Variants in RBFOX1 observed in about 807,000 individuals in gnomAD.
RBFOX1 encodes the protein RNA binding protein fox-1 homolog 1.
A neutral mutation model predicts 57.7 loss-of-function variants in RBFOX1; 8 were observed. The observed-to-expected ratio is 0.14, with a 90% CI of 0.08 to 0.25. The LOEUF is 0.25. Ranked by LOEUF, RBFOX1 falls within the 10% of genes least tolerant of loss-of-function variation. The pLI is 1.00. For missense variants in RBFOX1, 611 were observed against 548.5 expected (o/e 1.11, Z -1.14); for synonymous variants, 326 against 222.4 (o/e 1.47, Z -4.15).
intron 3 of RBFOX1, among the ~76,000 whole-genome samples, chr16:6,918,183 G>A (rs575553571): frequency 5.9e-5 from 9 of 152,020 alleles, no homozygotes; most frequent in African/African-American, 1.9e-4. Context: ...TAGAGAAGCT[G>A]AGGCAGGAGA....
chr16:6,070,929 T>G (rs1424748722), intron 1 of RBFOX1, among the ~76,000 whole-genome samples: 4 of 152,162 alleles, frequency 2.6e-5, no homozygotes, highest in African/African-American at 9.7e-5. Flanking sequence ...AATATCAAAT[T>G]ATTTTTGAGG....
intron 2 of RBFOX1, among the ~76,000 whole-genome samples, chr16:6,478,000 A>G (rs1337516171): frequency 6.6e-6 from 1 of 151,994 alleles, no homozygotes; most frequent in African/African-American, 2.4e-5. Flanking sequence ...ATAGAATTCA[A>G]GAGGATTAAA....
intron 4 of RBFOX1, among the ~76,000 whole-genome samples, chr16:7,397,432 C>G (rs1278029035): frequency 1.3e-5 from 2 of 152,152 alleles, no homozygotes; most frequent in Admixed American, 1.3e-4. Flanking sequence ...ATTCCTCATA[C>G]TTGTCACATA....
intron 4 of RBFOX1, among the ~76,000 whole-genome samples, chr16:7,237,652 C>G (rs990361477): frequency 6.6e-6 from 1 of 152,178 alleles, no homozygotes; most frequent in African/African-American, 2.4e-5. Flanking sequence ...CGTCCATGCA[C>G]AGACAAGGGA....
chr16:5,813,074 C>A (rs1362204166), intron 3 of RBFOX1, among the ~76,000 whole-genome samples: 1 of 148,140 alleles, frequency 6.8e-6, no homozygotes, highest in Non-Finnish European at 1.5e-5. Context: ...GTGGTGCAAT[C>A]TTGGCTCACT....
chr16:6,565,414 T>C (rs111907046), intron 2 of RBFOX1, among the ~76,000 whole-genome samples: 19 of 139,294 alleles, frequency 1.4e-4, no homozygotes, highest in African/African-American at 3.4e-4. Context: ...CCCGCCACCA[T>C]GCCTGGCTAA....
chr16:7,095,156 GGCTGGAGTTTCACTCTGTCGCCCAC>G (rs1249249629), intron 4 of RBFOX1, among the ~76,000 whole-genome samples: 1 of 151,890 alleles, frequency 6.6e-6, no homozygotes, highest in East Asian at 1.9e-4. Context: ...CTGTTGCCCA[GGCTGGAGTTTCACTCTGTCGCCCAC>G]GCTGGAGTGC....
intron 3 of RBFOX1, among the ~76,000 whole-genome samples, chr16:6,795,496 G>T (rs1005561561): frequency 6.6e-6 from 1 of 152,058 alleles, no homozygotes; most frequent in South Asian, 2.1e-4. Flanking sequence ...GGCTGCGCAC[G>T]TTGGCTCACG....
intron 2 of RBFOX1, among the ~76,000 whole-genome samples, chr16:6,401,563 C>T (rs537862872): frequency 3.3e-5 from 5 of 152,178 alleles, no homozygotes; most frequent in African/African-American, 9.6e-5. Context: ...CAGTGTTTAG[C>T]CGTATGCTTA....
chr16:6,545,606 C>T (rs768782883), intron 2 of RBFOX1, among the ~76,000 whole-genome samples: 3 of 152,186 alleles, frequency 2.0e-5, no homozygotes, highest in Admixed American at 6.5e-5. Context: ...ACTCTCCACC[C>T]CAAAGATCTC....
chr16:6,922,007 C>A (rs867271598), intron 3 of RBFOX1, among the ~76,000 whole-genome samples: 2 of 152,118 alleles, frequency 1.3e-5, no homozygotes, highest in Admixed American at 6.6e-5. Context: ...ATGCCTAACA[C>A]CTTGTGGCTA....
intron 3 of RBFOX1, among the ~76,000 whole-genome samples, chr16:6,786,519 TCAGA>T (rs1312592576): frequency 6.6e-6 from 1 of 152,124 alleles, no homozygotes; most frequent in East Asian, 1.9e-4. Flanking sequence ...TGTGAACATT[TCAGA>T]CAGAGTTCAG....
chr16:6,597,323 CCT>C (rs2097786255), intron 2 of RBFOX1, among the ~76,000 whole-genome samples: 1 of 152,032 alleles, frequency 6.6e-6, no homozygotes, highest in South Asian at 2.1e-4. Flanking sequence ...TTTTCCTTTC[CCT>C]GTCTCCATTA....
At chr16:6,483,414 C>T in intron 2 of RBFOX1, 2 of 1,535,078 alleles carry the variant, frequency 1.3e-6, no homozygotes, top group Non-Finnish European at 8.7e-7. Context: ...ACATTGCTAG[C>T]ACGTGGGTGC....
chr16:7,053,680 G>T (rs1294212106), intron 4 of RBFOX1, among the ~76,000 whole-genome samples: 2 of 152,114 alleles, frequency 1.3e-5, no homozygotes, highest in Non-Finnish European at 2.9e-5. Context: ...GTCCATTGTC[G>T]ACAGGAGTGT....
At chr16:7,427,987 T>C (rs1042708211) in intron 4 of RBFOX1, among the ~76,000 whole-genome samples, 1 of 152,198 alleles carries the variant, frequency 6.6e-6, no homozygotes, top group African/African-American at 2.4e-5. Flanking sequence ...ATATCAGATA[T>C]CTTTTTACAT....
intron 3 of RBFOX1, among the ~76,000 whole-genome samples, chr16:5,786,860 G>A (rs1009069972): frequency 6.6e-6 from 1 of 152,198 alleles, no homozygotes; most frequent in Non-Finnish European, 1.5e-5. Flanking sequence ...ATGAAGCCGG[G>A]CATGGCAGCT....
chr16:7,051,814 C>T (rs892523813), intron 3 of RBFOX1, among the ~76,000 whole-genome samples: 1 of 152,158 alleles, frequency 6.6e-6, no homozygotes, highest in African/African-American at 2.4e-5. Flanking sequence ...CCCACACATA[C>T]TCCTGCACGT....
chr16:7,656,002 G>T (rs1162881697), intron 12 of RBFOX1, among the ~76,000 whole-genome samples: 1 of 148,494 alleles, frequency 6.7e-6, no homozygotes, highest in Non-Finnish European at 1.5e-5. Context: ...ATGAAACAAT[G>T]TGTTTGTAAC....
Sources: gnomAD v4.1 joint callset for allele counts (sites outside exome capture counted in the v4.1 genomes callset) on GRCh38, gnomAD v4.1.1 for gene constraint, MANE v1.5 for transcripts, NCBI Gene and HGNC (gene_info 2026-07-23, HGNC 2026-07-21) for gene names.